The following ERICH1 variants were observed in gnomAD, a reference collection of about 807,000 sequenced individuals.
The protein encoded by ERICH1 is glutamate-rich protein 1.
In ERICH1, 56 loss-of-function variants were observed where a neutral mutation model predicts 39.6. The ratio of observed to expected loss-of-function variants is 1.41; its 90% CI spans 1.14 to 1.77. ERICH1 has a LOEUF of 1.77. Ranked by LOEUF, ERICH1 falls within the 40% of genes most tolerant of loss-of-function variation. The pLI, the probability that ERICH1 is intolerant of heterozygous loss-of-function variation, is 0.00. For missense variants in ERICH1, 826 were observed against 575.4 expected (o/e 1.44, Z -4.45); for synonymous variants, 313 against 223.6 (o/e 1.40, Z -3.57).
intron 1 of ERICH1, among the ~76,000 whole-genome samples, chr8:717,503 A>C (rs968602410): frequency 1.3e-5 from 2 of 152,210 alleles, no homozygotes; most frequent in Non-Finnish European, 2.9e-5. Flanking sequence ...TCAGATAAAA[A>C]TCCAATGGTC....
At chr8:687,727 C>G (rs1177349409) in intron 3 of ERICH1, among the ~76,000 whole-genome samples, 2 of 152,134 alleles carry the variant, frequency 1.3e-5, no homozygotes, top group Non-Finnish European at 2.9e-5. Context: ...GCGGCCAGTG[C>G]CCGCCGCGCC....
intron 2 of ERICH1, among the ~76,000 whole-genome samples, chr8:709,159 A>G (rs1334909705): frequency 6.6e-6 from 1 of 152,204 alleles, no homozygotes; most frequent in Non-Finnish European, 1.5e-5. Context: ...AGCCTTATCT[A>G]TCTCTGCCCT....
chr8:622,935 G>T (rs997756656), intron 3 of ERICH1, among the ~76,000 whole-genome samples: 2 of 146,806 alleles, frequency 1.4e-5, no homozygotes, highest in Non-Finnish European at 3.0e-5. Context: ...TCCAACCTGG[G>T]CAACAGAGGA....
chr8:633,798 C>A (rs922492453), intron 3 of ERICH1, among the ~76,000 whole-genome samples: 5 of 152,234 alleles, frequency 3.3e-5, no homozygotes, highest in African/African-American at 1.2e-4. Flanking sequence ...GAAAAGACAG[C>A]CGCTTCCACC....
chr8:683,187 T>C (rs1197307890), intron 3 of ERICH1, among the ~76,000 whole-genome samples: 1 of 152,188 alleles, frequency 6.6e-6, no homozygotes, highest in Non-Finnish European at 1.5e-5. Flanking sequence ...GATTCAGGGA[T>C]GGACAAGCGG....
At chr8:728,975 C>T (rs1019436784) in intron 1 of ERICH1, among the ~76,000 whole-genome samples, 8 of 152,172 alleles carry the variant, frequency 5.3e-5, no homozygotes, top group Non-Finnish European at 1.0e-4. Context: ...AACCTTTCCA[C>T]CTCATGTTTC....
In ERICH1 at chr8:630,575, CCA is replaced by C. The variant is rs202092187; in HGVS notation, c.977-15293_977-15292del. On this transcript the variant is annotated intron_variant, in intron 3 of 3. Transcript: ENST00000522706. ...CTGACACACACCCTTCTGTGACCAC[CCA>C]CACAGACAGAGCTGACTCACACCCT... 6.7e-3 allele frequency among the ~76,000 whole-genome samples: 706 copies of C among 105,682 alleles called. 33 individuals are homozygous for C. Among genetic ancestry groups the C allele is most frequent in the Middle Eastern group, 0.018 (3 of 164 alleles). 69.3% of individuals were successfully genotyped at this position (105,682 alleles called of 152,430 possible). A position where few individuals can be genotyped will look rare whatever the true frequency, so the allele number is the denominator to read the frequency against.
intron 3 of ERICH1, chr8:616,355 G>C (rs976393547): frequency 1.2e-4 from 42 of 344,250 alleles, no homozygotes; most frequent in South Asian, 8.6e-4. Context: ...ACAGGCTCCT[G>C]TCGGCCAGGT....
intron 1 of ERICH1, among the ~76,000 whole-genome samples, chr8:719,157 C>T (rs886541238): frequency 1.3e-5 from 2 of 152,172 alleles, no homozygotes; most frequent in Non-Finnish European, 2.9e-5. Context: ...AGCCCCAGGC[C>T]TGGCGAGGCT....
At chr8:624,877 C>T (rs1797511933) in intron 3 of ERICH1, among the ~76,000 whole-genome samples, 1 of 152,118 alleles carries the variant, frequency 6.6e-6, no homozygotes, top group Admixed American at 6.5e-5. Context: ...CAGGTGCCCG[C>T]CACCATGCCT....
chr8:623,159 C>A (rs1044501720), intron 3 of ERICH1, among the ~76,000 whole-genome samples: 1 of 152,054 alleles, frequency 6.6e-6, no homozygotes, highest in African/African-American at 2.4e-5. Flanking sequence ...GACACAAACA[C>A]TAGCAAACAA....
At chr8:697,263 C>T (rs534695060) in intron 2 of ERICH1, among the ~76,000 whole-genome samples, 168 of 152,312 alleles carry the variant, frequency 1.1e-3, no homozygotes, top group African/African-American at 3.8e-3. Context: ...GGGGACAAGG[C>T]GGACACCACT....
chr8:655,299 T>C (rs1359443075), intron 3 of ERICH1, among the ~76,000 whole-genome samples: 3 of 152,208 alleles, frequency 2.0e-5, no homozygotes, highest in South Asian at 2.1e-4. Flanking sequence ...GACGCCCTCA[T>C]GCCACAGGCA....
At chr8:625,304 G>T (rs1461607915) in intron 3 of ERICH1, among the ~76,000 whole-genome samples, 1 of 152,196 alleles carries the variant, frequency 6.6e-6, no homozygotes, top group Non-Finnish European at 1.5e-5. Flanking sequence ...AAAAAGGAAA[G>T]CAGTGGTTTA....
chr8:653,950 A>G (rs1204708699), intron 3 of ERICH1, among the ~76,000 whole-genome samples: 43 of 138,526 alleles, frequency 3.1e-4, no homozygotes, highest in African/African-American at 4.9e-4. Flanking sequence ...ACAGAAGGAC[A>G]AATCCCGCAG....
chr8:653,784 G>A (rs533292115), intron 3 of ERICH1, among the ~76,000 whole-genome samples: 75 of 152,134 alleles, frequency 4.9e-4, no homozygotes, highest in South Asian at 2.7e-3. Flanking sequence ...GACGAATCCC[G>A]CAGGGTGGCA....
intron 2 of ERICH1, among the ~76,000 whole-genome samples, chr8:713,677 A>G (rs1384613765): frequency 6.6e-6 from 1 of 152,140 alleles, no homozygotes; most frequent in Non-Finnish European, 1.5e-5. Context: ...GAGTCAATGG[A>G]GATCTGACCT....
At position 713,683 on chromosome 8, in the gene ERICH1, G is replaced by C. The variant is rs944759026; in HGVS notation, c.169+2178C>G. On this transcript the variant is annotated intron_variant, in intron 2 of 5. Coordinates refer to ENST00000262109, the MANE Select transcript of ERICH1 (RefSeq NM_207332.3). Reference sequence around the variant, plus strand: ...ATGTGTTCAGAGTCAATGGAGATCTGACCTGTGGGGCTGGAAGGTGATTTG... The same window carrying C: ...ATGTGTTCAGAGTCAATGGAGATCTCACCTGTGGGGCTGGAAGGTGATTTG... 4.6e-5 allele frequency among the ~76,000 whole-genome samples: 7 copies of C among 152,122 alleles called. No homozygotes were observed. The East Asian group carries it at 9.6e-4, about 21-fold the overall frequency.
intron 5 of ERICH1, 85 bp from the exon 6 acceptor site, chr8:664,761 T>C (rs1198595312): frequency 3.5e-6 from 4 of 1,159,096 alleles, no homozygotes; most frequent in Non-Finnish European, 4.9e-6. Context: ...CACGAGCCTT[T>C]GGGCCCAAAG....
Sources: gnomAD v4.1 joint callset for allele counts (sites outside exome capture counted in the v4.1 genomes callset) on GRCh38, gnomAD v4.1.1 for gene constraint, MANE v1.5 for transcripts, NCBI Gene and HGNC (gene_info 2026-07-23, HGNC 2026-07-21) for gene names.